ZC3H18: variants seen among roughly 807,000 people sequenced by gnomAD.
The protein encoded by ZC3H18 is zinc finger CCCH-type containing 18, also known as zinc finger CCCH domain-containing protein 18.
Under a neutral mutation model 106.1 loss-of-function variants are expected in ZC3H18, and 8 were observed. That is an observed-to-expected ratio of 0.08 (90% confidence interval 0.04 to 0.14). The LOEUF (loss-of-function observed/expected upper bound fraction) is 0.14. Ranked by LOEUF, ZC3H18 falls within the 10% of genes least tolerant of loss-of-function variation. The pLI is 1.00. For missense variants in ZC3H18, 1,318 were observed against 1,278.4 expected (o/e 1.03, Z -0.47); for synonymous variants, 635 against 522.1 (o/e 1.22, Z -2.95).
At chr16:88,630,842 C>T in intron 17 of ZC3H18, among the ~76,000 whole-genome samples, 1 of 150,980 alleles carries the variant, frequency 6.6e-6, no homozygotes, top group Non-Finnish European at 1.5e-5. Flanking sequence ...GCAAAAGATC[C>T]CTGGGCACAG....
At chr16:88,594,514 A>G (rs749866276) in intron 3 of ZC3H18, among the ~76,000 whole-genome samples, 2 of 152,104 alleles carry the variant, frequency 1.3e-5, no homozygotes, top group South Asian at 2.1e-4. Flanking sequence ...CATGTTTCCT[A>G]TCTGTTTCCT....
chr16:88,593,583 G>A (rs1415498367), intron 3 of ZC3H18, among the ~76,000 whole-genome samples: 3 of 152,238 alleles, frequency 2.0e-5, no homozygotes, highest in African/African-American at 4.8e-5. Context: ...GAGTGGCAGC[G>A]TGGGTAGAGC....
intron 3 of ZC3H18, among the ~76,000 whole-genome samples, chr16:88,590,783 C>A (rs1472582498): frequency 6.6e-6 from 1 of 151,628 alleles, no homozygotes; most frequent in East Asian, 1.9e-4. Flanking sequence ...TGGTCTCGAA[C>A]CCCTGACCTC....
intron 3 of ZC3H18, among the ~76,000 whole-genome samples, chr16:88,592,073 GT>G (rs1441553278): frequency 1.3e-5 from 2 of 152,238 alleles, no homozygotes; most frequent in African/African-American, 4.8e-5. Context: ...GTGGTTGTAT[GT>G]TTCATGTTTT....
At chr16:88,617,479 C>G (rs544867319) in intron 8 of ZC3H18, among the ~76,000 whole-genome samples, 23 of 152,284 alleles carry the variant, frequency 1.5e-4, no homozygotes, top group Middle Eastern at 3.4e-3. Flanking sequence ...ATAGCTAGGC[C>G]GATGGGTGTG....
intron 15 of ZC3H18, 124 bp downstream of exon 15, chr16:88,628,243 A>C: frequency 9.1e-7 from 1 of 1,100,084 alleles, no homozygotes; most frequent in African/African-American, 1.6e-5. Context: ...TGCAGGTGTC[A>C]GCACAGCCTG....
chr16:88,577,451 A>G lies in ZC3H18; in HGVS notation c.328A>G (p.Ser110Gly), dbSNP rs1307911591. ...GGACGAAGGGGAGGAAGACCGGACAAGCGACCTTAGGGATGAGGCCTCCTC... is the reference window on the plus strand; with the variant it reads ...GGACGAAGGGGAGGAAGACCGGACAGGCGACCTTAGGGATGAGGCCTCCTC... Reference protein sequence around the residue: ...EGDEGEEDRTSDLRDEASSVT... With the variant: ...EGDEGEEDRTGDLRDEASSVT... The change falls in exon 2 of 18, where the codon AGC becomes GGC. Residue 110 changes from serine to glycine, a missense_variant. Physicochemically the swap from Ser to Gly is moderately conservative, Grantham distance 56. This residue lies in a region of ZC3H18 where 346 missense variants were observed against 269.0 expected (regional missense o/e 1.29). Transcript: ENST00000301011. 6.2e-7 allele frequency: 1 copy of G among 1,610,294 alleles called. No homozygotes were observed. Among genetic ancestry groups the G allele is most frequent in the Non-Finnish European group, 8.5e-7 (1 of 1,177,938 alleles).
chr16:88,577,929 C>G (rs533285270), intron 2 of ZC3H18, among the ~76,000 whole-genome samples: 1 of 152,192 alleles, frequency 6.6e-6, no homozygotes, highest in Non-Finnish European at 1.5e-5. Context: ...GCAGAGGCAG[C>G]TCCAGAAGCT....
chr16:88,585,334 G>C (rs1036339338), intron 2 of ZC3H18, among the ~76,000 whole-genome samples: 5 of 152,264 alleles, frequency 3.3e-5, no homozygotes, highest in Admixed American at 6.5e-5. Flanking sequence ...TCCAGGGTTT[G>C]GTTTCAGCAT....
Position 88,608,882 on chromosome 16 carries a change from T to G in ZC3H18, c.1089-52T>G, listed in dbSNP as rs549572001. The G allele has an allele frequency of 3.2e-5, 47 of 1,472,144 alleles. No homozygotes were observed. In the South Asian group the frequency reaches 5.3e-4, roughly 17 times the overall value. 91.2% of individuals were successfully genotyped at this position (1,472,144 alleles called of 1,614,324 possible). A position where few individuals can be genotyped will look rare whatever the true frequency, so the allele number is the denominator to read the frequency against. On this transcript the variant is annotated intron_variant, in intron 6 of 17. Transcript: ENST00000301011. ...GTCCCTAATGTTTCGTGTGGTCTTT[T>G]TACGCCAGTGCTCCTAAGTGATGAG...
In ZC3H18 at chr16:88,587,624, C is replaced by T. The variant is rs544814874; in HGVS notation, c.688+940C>T. ...GAGGCCAGGTTAAAGGTACAAAATA[C>T]GCTATATTCACTCTCTTCAGTACCT... On this transcript the variant is annotated intron_variant, in intron 3 of 17. Transcript: ENST00000301011. The T allele has an allele frequency of 5.5e-5, 85 of 1,533,122 alleles. No homozygotes were observed. In the East Asian group the frequency reaches 7.8e-4, roughly 14 times the overall value. 95.0% of individuals were successfully genotyped at this position (1,533,122 alleles called of 1,614,324 possible). A position where few individuals can be genotyped will look rare whatever the true frequency, so the allele number is the denominator to read the frequency against.
intron 1 of ZC3H18, 72 bp from the exon 2 acceptor site, chr16:88,577,038 G>A: frequency 2.7e-6 from 4 of 1,474,480 alleles, no homozygotes; most frequent in Middle Eastern, 1.9e-4. Context: ...GCTGCTTCAG[G>A]CCAGGAAAGT....
intron 3 of ZC3H18, among the ~76,000 whole-genome samples, chr16:88,589,676 A>G (rs1354714697): frequency 6.6e-6 from 1 of 151,466 alleles, no homozygotes; most frequent in Non-Finnish European, 1.5e-5. Context: ...ACAGAGACAG[A>G]AAGTAGATTG....
intron 3 of ZC3H18, 123 bp downstream of exon 3, chr16:88,586,807 A>T (rs188944993): frequency 0.017 from 8,474 of 493,166 alleles, 45 homozygotes; most frequent in Middle Eastern, 0.032. Flanking sequence ...ATTACTGGCT[A>T]GGTGGTGGTG....
rs1488640402 is a variant in ZC3H18 at position 88,581,506 on chromosome 16, C to G, written c.603+3780C>G. Among the ~76,000 whole-genome samples the G allele has an allele frequency of 4.6e-5, 7 of 152,210 alleles. No homozygotes were observed. In the South Asian group the frequency reaches 1.2e-3, roughly 27 times the overall value. On this transcript the variant is annotated intron_variant, in intron 2 of 17. Transcript: ENST00000301011. ...TATGCTGCCAGAACACCCCCTGATG[C>G]AAGTATCTTCTGGAAGTGCCGCTGG... is the stretch of plus-strand genomic sequence containing the variant.
chr16:88,625,564 AGCACCT>A (rs1464689410), intron 13 of ZC3H18: 1 of 418,204 alleles, frequency 2.4e-6, no homozygotes, highest in East Asian at 4.7e-5. Context: ...ACCCTGAGAG[AGCACCT>A]GCACCTGGGG....
chr16:88,593,956 G>A (rs936446254), intron 3 of ZC3H18, among the ~76,000 whole-genome samples: 13 of 152,234 alleles, frequency 8.5e-5, no homozygotes, highest in Admixed American at 8.5e-4. Flanking sequence ...GAAGAACCAA[G>A]TTGGAAAAGT....
At chr16:88,613,561 C>A (rs1051843828) in intron 8 of ZC3H18, among the ~76,000 whole-genome samples, 1 of 152,096 alleles carries the variant, frequency 6.6e-6, no homozygotes, top group African/African-American at 2.4e-5. Flanking sequence ...CGTCTCCCTG[C>A]CGTTGCGATT....
At chr16:88,625,121 C>CAGG in intron 12 of ZC3H18, 81 bp from the exon 13 acceptor site, 1 of 1,503,762 alleles carries the variant, frequency 6.6e-7, no homozygotes, top group South Asian at 1.2e-5. Flanking sequence ...GCTCACCTCA[C>CAGG]AGGGCTGCTG....
Sources: allele counts gnomAD v4.1 joint callset (sites outside exome capture counted in the v4.1 genomes callset), GRCh38; gene constraint gnomAD v4.1.1; regional missense constraint gnomAD v4.1.1; transcripts MANE v1.5; gene names NCBI Gene and HGNC (gene_info 2026-07-23, HGNC 2026-07-21).